Variants in ERC1 observed in about 807,000 individuals in gnomAD.
ERC1 encodes ELKS/RAB6-interacting/CAST family member 1.
Under a neutral mutation model 132.0 loss-of-function variants are expected in ERC1, and 56 were observed. That is an observed-to-expected ratio of 0.42 (90% confidence interval 0.34 to 0.53). The LOEUF (loss-of-function observed/expected upper bound fraction) is 0.53, where lower values mean the gene tolerates loss of function less well. Among genes scored for constraint, ERC1 ranks in the 20% least tolerant of loss-of-function variants. The pLI, the probability that ERC1 is intolerant of heterozygous loss-of-function variation, is 0.03. For synonymous variants in ERC1, 478 were observed against 476.1 expected (o/e 1.00, Z -0.05); for missense variants, 1,202 against 1,349.9 (o/e 0.89, Z 1.72).
chr12:1,462,918 C>T (rs1307069567), intron 18 of ERC1, among the ~76,000 whole-genome samples: 1 of 150,790 alleles, frequency 6.6e-6, no homozygotes. Flanking sequence ...TATAATTTTT[C>T]TCTAGAGTAC....
intron 16 of ERC1, among the ~76,000 whole-genome samples, chr12:1,378,974 C>T (rs2088283068): frequency 6.6e-6 from 1 of 152,154 alleles, no homozygotes; most frequent in African/African-American, 2.4e-5. Context: ...ACACTACTTG[C>T]AGGTCAAATA....
chr12:1,226,262 T>G (rs1053841483), intron 12 of ERC1, among the ~76,000 whole-genome samples: 8 of 152,230 alleles, frequency 5.3e-5, no homozygotes, highest in African/African-American at 1.4e-4. Context: ...GATTTTATCT[T>G]GAATAATTTT....
At chr12:1,394,443 C>T (rs188921058) in intron 16 of ERC1, among the ~76,000 whole-genome samples, 11 of 152,198 alleles carry the variant, frequency 7.2e-5, no homozygotes, top group African/African-American at 1.4e-4. Flanking sequence ...TTCTTGTTTT[C>T]GTGGCCTCTG....
intron 13 of ERC1, among the ~76,000 whole-genome samples, chr12:1,248,911 C>G (rs1555329040): frequency 6.6e-6 from 1 of 152,130 alleles, no homozygotes; most frequent in Non-Finnish European, 1.5e-5. Flanking sequence ...TGGAGACAGA[C>G]TCGCTCTGTC....
chr12:1,225,542 T>C (rs902579877), intron 12 of ERC1, among the ~76,000 whole-genome samples: 1 of 152,094 alleles, frequency 6.6e-6, no homozygotes, highest in Non-Finnish European at 1.5e-5. Context: ...TTGAATTGTT[T>C]TTTCTGAAAC....
chr12:1,047,608 AAAT>A (rs1971281739), intron 2 of ERC1, among the ~76,000 whole-genome samples: 1 of 152,238 alleles, frequency 6.6e-6, no homozygotes, highest in Non-Finnish European at 1.5e-5. Flanking sequence ...CTGATTTCTC[AAAT>A]AATGTGTTTA....
chr12:1,212,623 C>A (rs376887355), intron 12 of ERC1, among the ~76,000 whole-genome samples: 5 of 152,154 alleles, frequency 3.3e-5, no homozygotes, highest in African/African-American at 1.2e-4. Context: ...ACGATTCGAA[C>A]GTTGAGTAGG....
chr12:1,469,670 C>T (rs1487798506), intron 18 of ERC1, among the ~76,000 whole-genome samples: 5 of 152,214 alleles, frequency 3.3e-5, no homozygotes, highest in African/African-American at 4.8e-5. Context: ...GGACTGGAAA[C>T]GTCCCGGGAG....
rs1335905534 is a variant in ERC1, at chr12:1,066,895, G to A, written c.670-16269G>A. Among the ~76,000 whole-genome samples, 3 of 151,606 alleles carry A rather than the reference G, an allele frequency of 2.0e-5. No homozygotes were observed. In the East Asian group the frequency reaches 5.8e-4, roughly 29 times the overall value. ...TTATTACGAACTTATGTTTATTTGAGTTTGGTATTTTATCTTTCAGTTTTA... is the reference window on the plus strand; with the variant it reads ...TTATTACGAACTTATGTTTATTTGAATTTGGTATTTTATCTTTCAGTTTTA... On this transcript the variant is annotated intron_variant, in intron 2 of 18. Transcript: ENST00000360905.
rs78757954 is a variant in ERC1, at chr12:1,161,924, A to G, written c.1738-18616A>G. Among the ~76,000 whole-genome samples the G allele has an allele frequency of 4.3e-3, 651 of 152,338 alleles. 7 individuals carry two copies. The highest frequency in any genetic ancestry group is 0.015 in the African/African-American group (606 of 41,580). ...AATATTGTAATATTTAGGGAGCAGT[A>G]CTGAGAAACTATGTTATTTTGGCAT... On this transcript the variant is annotated intron_variant, in intron 8 of 18. Coordinates refer to ENST00000360905, the MANE Select transcript of ERC1 (RefSeq NM_178040.4).
intron 3 of ERC1, among the ~76,000 whole-genome samples, chr12:1,094,709 C>T (rs1943784056): frequency 6.6e-6 from 1 of 152,040 alleles, no homozygotes; most frequent in Non-Finnish European, 1.5e-5. Context: ...CGTGCCTGGC[C>T]CTTCCTCTCC....
intron 7 of ERC1, among the ~76,000 whole-genome samples, chr12:1,124,814 C>G (rs1947971939): frequency 6.6e-6 from 1 of 151,874 alleles, no homozygotes; most frequent in Non-Finnish European, 1.5e-5. Context: ...TTCGAATAAG[C>G]TTGAAAAACA....
chr12:1,460,981 T>TTC (rs61029874), intron 18 of ERC1, among the ~76,000 whole-genome samples: 99 of 137,806 alleles, frequency 7.2e-4, no homozygotes, highest in African/African-American at 2.3e-3. Flanking sequence ...TTTTTTTTTT[T>TTC]CATTTTTCTA....
intron 2 of ERC1, among the ~76,000 whole-genome samples, chr12:1,034,269 A>G (rs1044849337): frequency 2.0e-5 from 3 of 152,232 alleles, no homozygotes; most frequent in Non-Finnish European, 4.4e-5. Flanking sequence ...CTGAGACATA[A>G]TTTTTTATTA....
At chr12:1,393,607 CGTGTGTGTGTGTGTGTGTGTGTGT>C (rs34533745) in intron 16 of ERC1, among the ~76,000 whole-genome samples, 2 of 140,158 alleles carry the variant, frequency 1.4e-5, no homozygotes, top group Admixed American at 7.2e-5. Flanking sequence ...AGAGAACACA[CGTGTGTGTGTGTGTGTGTGTGTGT>C]GTGTGTGTGT....
chr12:1,268,541 G>A (rs896999002), intron 14 of ERC1, among the ~76,000 whole-genome samples: 1 of 152,184 alleles, frequency 6.6e-6, no homozygotes, highest in African/African-American at 2.4e-5. Flanking sequence ...CAGAGGAAGA[G>A]GGGCAAGCCT....
At chr12:1,012,206 C>A (rs1201107136) in intron 1 of ERC1, among the ~76,000 whole-genome samples, 2 of 152,126 alleles carry the variant, frequency 1.3e-5, no homozygotes, top group African/African-American at 4.8e-5. Context: ...TTACTGTAAC[C>A]ATTTTCAAAC....
At chr12:1,228,354 A>AAAAGTCTTGATGCTATTG (rs2074758685) in intron 12 of ERC1, among the ~76,000 whole-genome samples, 1 of 48,126 alleles carries the variant, frequency 2.1e-5, no homozygotes, top group Non-Finnish European at 3.9e-5. Flanking sequence ...AGCCAGTTGT[A>AAAAGTCTTGATGCTATTG]TACAAAAATA....
At chr12:1,145,795 G>C (rs552059849) in intron 8 of ERC1, among the ~76,000 whole-genome samples, 1 of 152,132 alleles carries the variant, frequency 6.6e-6, no homozygotes, top group Non-Finnish European at 1.5e-5. Context: ...CATGTGGCTT[G>C]CCAGTTATCC....
Sources: gnomAD v4.1 joint callset for allele counts (sites outside exome capture counted in the v4.1 genomes callset) on GRCh38, gnomAD v4.1.1 for gene constraint, MANE v1.5 for transcripts, NCBI Gene and HGNC (gene_info 2026-07-23, HGNC 2026-07-21) for gene names.